Variants in PCDHGA11 observed in about 807,000 individuals in gnomAD.
The protein encoded by PCDHGA11 is protocadherin gamma-A11.
PCDHGA11 carries 39 observed loss-of-function variants against 60.4 expected under a neutral mutation model. The observed-to-expected ratio is 0.65, with a 90% CI of 0.50 to 0.84. PCDHGA11 has a LOEUF of 0.84. Among genes scored for constraint, PCDHGA11 ranks in the 40% least tolerant of loss-of-function variants. The pLI, the probability that PCDHGA11 is intolerant of heterozygous loss-of-function variation, is 0.00. For synonymous variants in PCDHGA11, 533 were observed against 510.3 expected, an observed-to-expected ratio of 1.04 and a Z score of -0.60; for missense variants, 1,165 against 1,197.7, an observed-to-expected ratio of 0.97 and a Z score of 0.40.
intron 1 of PCDHGA11, among the ~76,000 whole-genome samples, chr5:141,447,339 A>T (rs767342137): frequency 6.6e-6 from 1 of 151,770 alleles, no homozygotes; most frequent in Non-Finnish European, 1.5e-5. Flanking sequence ...GGGTTTCATC[A>T]TATTGGTCAG....
In PCDHGA11 at chr5:141,432,627, C is replaced by G. The variant is rs886117102; in HGVS notation, c.2433+8967C>G. On this transcript the variant is annotated intron_variant, in intron 1 of 3. Transcript: ENST00000398587. This position sits in a 1 kb window ranked among gnomAD's most constrained non-coding sequence, Gnocchi z 6.0. The stretch of plus-strand genomic sequence containing the variant: ...GGACTCTTCTCGGTGGGTCTGCACA[C>G]GGGCGAGGTGCGCACGGCGCGAGCC... The G allele has an allele frequency of 1.2e-6, 2 of 1,613,652 alleles. No individual in the cohort carries two copies. The highest frequency in any genetic ancestry group is 2.7e-5 in the African/African-American group (2 of 74,886).
chr5:141,422,973 T>G lies in PCDHGA11; in HGVS notation c.1746T>G (p.Ser582=), dbSNP rs1157516415. 6.2e-7 allele frequency: 1 copy of G among 1,614,102 alleles called. No homozygotes were observed. The highest frequency in any genetic ancestry group is 8.5e-7 in the Non-Finnish European group (1 of 1,180,044). ...GSTGVELAPR[S]AEPGYLVTKV... ...CTGGCGTGGAGCTGGCGCCCCGCTC[T>G]GCGGAACCTGGCTACCTGGTGACCA... Residue 582 remains serine (S), a synonymous_variant, in exon 1 of 4, where the codon TCT becomes TCG. Coordinates refer to ENST00000398587, the MANE Select transcript of PCDHGA11 (RefSeq NM_018914.3).
At chr5:141,447,797 T>C (rs536848880) in intron 1 of PCDHGA11, among the ~76,000 whole-genome samples, 16 of 152,022 alleles carry the variant, frequency 1.1e-4, no homozygotes, top group Admixed American at 7.9e-4. Context: ...TTTAAGAAAA[T>C]AAAATTGGCT....
intron 1 of PCDHGA11, among the ~76,000 whole-genome samples, chr5:141,444,150 GGA>G (rs1471930589): frequency 1.6e-4 from 18 of 114,012 alleles, no homozygotes; most frequent in Non-Finnish European, 2.3e-4. Context: ...TGTGTGTACT[GGA>G]TTTTTTTTTT....
intron 1 of PCDHGA11, chr5:141,427,746 T>A: frequency 7.9e-7 from 1 of 1,272,038 alleles, no homozygotes; most frequent in African/African-American, 1.5e-5. Flanking sequence ...AGTCTCCTAC[T>A]CCATCGTTAC....
intron 1 of PCDHGA11, among the ~76,000 whole-genome samples, chr5:141,462,745 TATG>T (rs1249238113): frequency 6.6e-6 from 1 of 152,262 alleles, no homozygotes; most frequent in Non-Finnish European, 1.5e-5. Flanking sequence ...CTGTAATTCC[TATG>T]ATGATTTTCT....
intron 1 of PCDHGA11, among the ~76,000 whole-genome samples, chr5:141,445,429 C>G (rs974775529): frequency 2.6e-5 from 4 of 152,200 alleles, no homozygotes; most frequent in Non-Finnish European, 5.9e-5. Flanking sequence ...ATGCAAGGCA[C>G]TGACCTATGG....
At position 141,490,376 on chromosome 5, in the gene PCDHGA11, CA is replaced by C; in HGVS notation, c.2434-4430del. 1 of 1,614,184 alleles carries C rather than the reference CA, an allele frequency of 6.2e-7. No individual in the cohort carries two copies. Among genetic ancestry groups the C allele is most frequent in the African/African-American group, 1.3e-5 (1 of 75,030 alleles). On this transcript the variant is annotated intron_variant, in intron 1 of 3. Coordinates refer to ENST00000398587, the MANE Select transcript of PCDHGA11 (RefSeq NM_018914.3). This position sits in a 1 kb window ranked among gnomAD's most constrained non-coding sequence, Gnocchi z 5.4. ...TTGTTTAATGTGCGAGACCGGGACTCAGGTAGAAATGGTGAAGTGAGCCTTG... is the reference window on the plus strand; with the variant it reads ...TTGTTTAATGTGCGAGACCGGGACTCGGTAGAAATGGTGAAGTGAGCCTTG...
rs760575047 is a variant in PCDHGA11 at position 141,493,887 on chromosome 5, G to A, written c.2434-920G>A. Among the ~76,000 whole-genome samples the A allele has an allele frequency of 1.3e-5, 2 of 152,184 alleles. No individual in the cohort carries two copies. The highest frequency in any genetic ancestry group is 2.4e-5 in the African/African-American group (1 of 41,448). On this transcript the variant is annotated intron_variant, in intron 1 of 3. Coordinates refer to ENST00000398587, the MANE Select transcript of PCDHGA11 (RefSeq NM_018914.3). The surrounding 1 kb of genome is among the most constrained non-coding windows in gnomAD (Gnocchi z 4.3). Reference sequence around the variant, plus strand: ...AGAACCAGTGAGGAGGTGGCTCTAGGAGTGCTCCATGAGAGTGTGTGATGG... The same window carrying A: ...AGAACCAGTGAGGAGGTGGCTCTAGAAGTGCTCCATGAGAGTGTGTGATGG...
intron 1 of PCDHGA11, among the ~76,000 whole-genome samples, chr5:141,492,438 G>C (rs2099740636): frequency 6.6e-6 from 1 of 152,236 alleles, no homozygotes; most frequent in Non-Finnish European, 1.5e-5. Flanking sequence ...AGGAGTACTC[G>C]TAGCTGATTG....
In PCDHGA11 at chr5:141,430,200, T is replaced by G. The variant is rs182960813; in HGVS notation, c.2433+6540T>G. Among the ~76,000 whole-genome samples the G allele has an allele frequency of 8.2e-4, 124 of 152,052 alleles. 2 individuals are homozygous for G. Among genetic ancestry groups the G allele is most frequent in the African/African-American group, 2.9e-3 (119 of 41,468 alleles). ...CCCAAATTATAGCTGAATCAGAAAG[T>G]TTAAATTATTATATTATATGATTTG... On this transcript the variant is annotated intron_variant, in intron 1 of 3. Transcript: ENST00000398587.
At chr5:141,467,431 C>T (rs1452587540) in intron 1 of PCDHGA11, among the ~76,000 whole-genome samples, 1 of 152,170 alleles carries the variant, frequency 6.6e-6, no homozygotes, top group African/African-American at 2.4e-5. Flanking sequence ...GTTATAGAAA[C>T]ATTCATTACT....
At chr5:141,478,496 C>G in intron 1 of PCDHGA11, 1 of 1,613,014 alleles carries the variant, frequency 6.2e-7, no homozygotes, top group Non-Finnish European at 8.5e-7. Flanking sequence ...GAGCTGTGAT[C>G]CGGTGTTCTA....
At position 141,490,545 on chromosome 5, in the gene PCDHGA11, C is replaced by T; in HGVS notation, c.2434-4262C>T. 3 of 1,614,164 alleles carry T rather than the reference C, an allele frequency of 1.9e-6. No homozygotes were observed. The highest frequency in any genetic ancestry group is 2.5e-6 in the Non-Finnish European group (3 of 1,180,018). ...GCGATGCTGGTTCACCTTCCCTACA[C>T]AAACATCTCACCATCAGGCTCAACA... On this transcript the variant is annotated intron_variant, in intron 1 of 3. Coordinates refer to ENST00000398587, the MANE Select transcript of PCDHGA11 (RefSeq NM_018914.3). The surrounding 1 kb of genome is among the most constrained non-coding windows in gnomAD (Gnocchi z 5.4).
chr5:141,439,455 C>T (rs62379163), intron 1 of PCDHGA11, among the ~76,000 whole-genome samples: 5,115 of 152,308 alleles, frequency 0.034, 100 homozygotes, highest in Middle Eastern at 0.088. Context: ...GGGAGCAAGA[C>T]TGCACTGCTG....
In PCDHGA11 at chr5:141,431,320, C is replaced by A. The variant is rs993831541; in HGVS notation, c.2433+7660C>A. ...CCCTCATCGTGCAAAATGGAGCCGA[C>A]GGTAGTAAGTACCCCGAATTGGTGC... On this transcript the variant is annotated intron_variant, in intron 1 of 3. Transcript: ENST00000398587. This position sits in a 1 kb window ranked among gnomAD's most constrained non-coding sequence, Gnocchi z 4.8. 1 of 1,614,102 alleles carries A rather than the reference C, an allele frequency of 6.2e-7. No individual in the cohort carries two copies. The highest frequency in any genetic ancestry group is 1.7e-5 in the Admixed American group (1 of 60,032).
chr5:141,426,711 G>C, intron 1 of PCDHGA11: 1 of 444,496 alleles, frequency 2.2e-6, no homozygotes, highest in Non-Finnish European at 4.6e-6. Flanking sequence ...ACAAATCAAT[G>C]AACTAGCAAT....
At chr5:141,444,138 C>CTTGTGTG (rs2098418688) in intron 1 of PCDHGA11, among the ~76,000 whole-genome samples, 1 of 122,946 alleles carries the variant, frequency 8.1e-6, no homozygotes, top group South Asian at 2.7e-4. Flanking sequence ...ATATGTGTCA[C>CTTGTGTG]TTGTGTGTAC....
chr5:141,462,253 A>C (rs7717600), intron 1 of PCDHGA11, among the ~76,000 whole-genome samples: 42,489 of 152,124 alleles, frequency 0.28, 6,669 homozygotes, highest in African/African-American at 0.43. Context: ...AGCCACCATG[A>C]CCAGCCTAAA....
Sources: gnomAD v4.1 joint callset for allele counts (sites outside exome capture counted in the v4.1 genomes callset) on GRCh38, gnomAD v4.1.1 for gene constraint, Gnocchi (gnomAD v3.1) non-coding constraint, MANE v1.5 for transcripts, NCBI Gene and HGNC (gene_info 2026-07-23, HGNC 2026-07-21) for gene names.